The following PPP1R9A variants were observed in gnomAD, a reference collection of about 807,000 sequenced individuals.
PPP1R9A encodes protein phosphatase 1 regulatory subunit 9A, also known as neurabin-1.
A neutral mutation model predicts 141.9 loss-of-function variants in PPP1R9A; 59 were observed. That is an observed-to-expected ratio of 0.42 (90% confidence interval 0.34 to 0.52). The LOEUF (loss-of-function observed/expected upper bound fraction) is 0.52, where lower values mean the gene tolerates loss of function less well. Among genes scored for constraint, PPP1R9A ranks in the 20% least tolerant of loss-of-function variants. The pLI, the probability that PPP1R9A is intolerant of heterozygous loss-of-function variation, is 0.10. For missense variants in PPP1R9A, 1,444 were observed against 1,611.9 expected (o/e 0.90, Z 1.78); for synonymous variants, 500 against 569.7 (o/e 0.88, Z 1.74).
At chr7:95,149,583 A>T (rs1029774908) in intron 4 of PPP1R9A, among the ~76,000 whole-genome samples, 1 of 152,012 alleles carries the variant, frequency 6.6e-6, no homozygotes, top group South Asian at 2.1e-4. Context: ...AACAGCAATG[A>T]GCAAGTAGAA....
rs1226071690 is a variant in PPP1R9A at position 95,274,162 on chromosome 7, G to A, written c.3290G>A (p.Gly1097Asp). The change falls in exon 16 of 20, where the codon GGT becomes GAT. Residue 1097 changes from glycine to aspartate, a missense_variant. This residue lies in a region of PPP1R9A where 459 missense variants were observed against 513.8 expected (regional missense o/e 0.89). Coordinates refer to ENST00000433360, the MANE Select transcript of PPP1R9A (RefSeq NM_001166160.2). The part of the protein sequence containing the change: ...KEKEASRFSA[G>D]SRIFRGRLEN... ...AAAGAAGCCAGTAGGTTTTCTGCAG[G>A]TAGCAGGTACGGTTGTGTGATTAAG... 10 of 1,563,994 alleles carry A rather than the reference G, an allele frequency of 6.4e-6. No individual in the cohort carries two copies. Among genetic ancestry groups the A allele is most frequent in the Non-Finnish European group, 8.7e-6 (10 of 1,156,066 alleles).
intron 4 of PPP1R9A, among the ~76,000 whole-genome samples, chr7:95,149,579 A>G (rs1828275004): frequency 6.6e-6 from 1 of 152,016 alleles, no homozygotes; most frequent in South Asian, 2.1e-4. Context: ...ATATAACAGC[A>G]ATGAGCAAGT....
chr7:95,174,531 A>T lies in PPP1R9A; in HGVS notation c.1754+12560A>T, dbSNP rs1388582970. Among the ~76,000 whole-genome samples, 5 of 152,140 alleles carry T rather than the reference A, an allele frequency of 3.3e-5. No homozygotes were observed. The East Asian group carries it at 7.7e-4, about 23-fold the overall frequency. Reference sequence around the variant, plus strand: ...AATGTATATAGATTGAACTCAGTAAAACTGAATTTTAAAATGTGAGATAAT... The same window carrying T: ...AATGTATATAGATTGAACTCAGTAATACTGAATTTTAAAATGTGAGATAAT... On this transcript the variant is annotated intron_variant, in intron 5 of 19. Coordinates refer to ENST00000433360, the MANE Select transcript of PPP1R9A (RefSeq NM_001166160.2).
intron 8 of PPP1R9A, among the ~76,000 whole-genome samples, chr7:95,228,460 C>T (rs1795453291): frequency 6.6e-6 from 1 of 152,098 alleles, no homozygotes; most frequent in Admixed American, 6.6e-5. Context: ...GCTCCTTTAC[C>T]AATTTCCCTT....
chr7:94,974,324 A>T (rs1799192330), intron 2 of PPP1R9A, among the ~76,000 whole-genome samples: 1 of 152,224 alleles, frequency 6.6e-6, no homozygotes, highest in African/African-American at 2.4e-5. Context: ...AGACACCAGG[A>T]TAATCATAGA....
At chr7:95,088,921 T>A (rs536731306) in intron 2 of PPP1R9A, among the ~76,000 whole-genome samples, 2 of 152,188 alleles carry the variant, frequency 1.3e-5, no homozygotes, top group East Asian at 3.9e-4. Flanking sequence ...GGTACAGTTT[T>A]GGAATTTCAA....
chr7:95,196,036 C>A (rs1049978715), intron 5 of PPP1R9A, among the ~76,000 whole-genome samples: 5 of 151,392 alleles, frequency 3.3e-5, no homozygotes, highest in Non-Finnish European at 5.9e-5. Context: ...GGTGACAGAG[C>A]AAGACTCTGT....
intron 8 of PPP1R9A, among the ~76,000 whole-genome samples, chr7:95,243,866 G>A (rs1797776424): frequency 6.6e-6 from 1 of 152,078 alleles, no homozygotes; most frequent in South Asian, 2.1e-4. Flanking sequence ...TTTAGTATTA[G>A]TGGAAAGAAC....
At chr7:95,014,330 A>G (rs1222939686) in intron 2 of PPP1R9A, among the ~76,000 whole-genome samples, 1 of 151,990 alleles carries the variant, frequency 6.6e-6, no homozygotes, top group Non-Finnish European at 1.5e-5. Context: ...TGATACTGAC[A>G]TATTTTGAAA....
At chr7:94,973,721 CTTT>C (rs200492667) in intron 2 of PPP1R9A, among the ~76,000 whole-genome samples, 2 of 137,168 alleles carry the variant, frequency 1.5e-5, no homozygotes, top group African/African-American at 5.3e-5. Context: ...TTCTTTCTTT[CTTT>C]TTTTTTTTTT....
chr7:95,173,320 G>A (rs1006997796), intron 5 of PPP1R9A, among the ~76,000 whole-genome samples: 8 of 151,884 alleles, frequency 5.3e-5, no homozygotes, highest in African/African-American at 1.2e-4. Context: ...AAAATTATCT[G>A]TTGGGCACAA....
In PPP1R9A at chr7:95,094,985, C is replaced by T. The variant is rs559765723; in HGVS notation, c.1396-16274C>T. 2.0e-5 allele frequency among the ~76,000 whole-genome samples: 3 copies of T among 151,134 alleles called. No individual in the cohort carries two copies. In the East Asian group the frequency reaches 5.8e-4, roughly 29 times the overall value. On this transcript the variant is annotated intron_variant, in intron 2 of 19. Transcript: ENST00000433360. ...AAGTTTGGTTGTGTGATTGACTGCC[C>T]TTTCAAGCCCCTGTGGCCAAAAGGA...
At chr7:95,191,440 T>A (rs1322130307) in intron 5 of PPP1R9A, among the ~76,000 whole-genome samples, 2 of 152,202 alleles carry the variant, frequency 1.3e-5, no homozygotes, top group African/African-American at 4.8e-5. Context: ...ATATCTATGA[T>A]CTCAAACATT....
intron 2 of PPP1R9A, among the ~76,000 whole-genome samples, chr7:94,932,244 G>C (rs557039765): frequency 6.6e-6 from 1 of 152,212 alleles, no homozygotes; most frequent in South Asian, 2.1e-4. Context: ...CAGCCAAAAG[G>C]CTTTTGTGTC....
At position 95,193,504 on chromosome 7, in the gene PPP1R9A, T is replaced by A. The variant is rs10267705; in HGVS notation, c.1755-4845T>A. On this transcript the variant is annotated intron_variant, in intron 5 of 19. Coordinates refer to ENST00000433360, the MANE Select transcript of PPP1R9A (RefSeq NM_001166160.2). ...TTCATGATTTAAAATGCAACTTTCT[T>A]ATGCAGTATGGAACAATTCTTATTT... Among the ~76,000 whole-genome samples the A allele has an allele frequency of 6.7e-3, 1,018 of 152,168 alleles. 12 individuals carry two copies. The highest frequency in any genetic ancestry group is 0.024 in the African/African-American group (981 of 41,562).
chr7:95,216,790 A>G (rs2152930088), intron 7 of PPP1R9A, among the ~76,000 whole-genome samples: 1 of 152,284 alleles, frequency 6.6e-6, no homozygotes, highest in East Asian at 1.9e-4. Flanking sequence ...GTGTATAAGA[A>G]TGCTTGTGAT....
intron 6 of PPP1R9A, among the ~76,000 whole-genome samples, chr7:95,201,661 A>T (rs570200121): frequency 6.6e-6 from 1 of 152,352 alleles, no homozygotes; most frequent in East Asian, 1.9e-4. Flanking sequence ...CAAATATTGG[A>T]TAGCTAATGG....
At position 94,997,761 on chromosome 7, in the gene PPP1R9A, C is replaced by G. The variant is rs1802378859; in HGVS notation, c.1395+86253C>G. ...TTCTGGAGTTTTTCTCTGCCAAGCT[C>G]TGAGCTCACTAGTACTCAGCCCTAC... On this transcript the variant is annotated intron_variant, in intron 2 of 19. Transcript: ENST00000433360. Among the ~76,000 whole-genome samples the G allele has an allele frequency of 2.0e-5, 3 of 152,158 alleles. No individual in the cohort carries two copies. In the South Asian group the frequency reaches 6.2e-4, roughly 31 times the overall value.
chr7:94,925,451 CG>C (rs1357087102), intron 2 of PPP1R9A, among the ~76,000 whole-genome samples: 4 of 152,044 alleles, frequency 2.6e-5, no homozygotes, highest in Non-Finnish European at 4.4e-5. Context: ...GAAGCTGTTT[CG>C]GGGAGGAAAC....
Sources: allele counts gnomAD v4.1 joint callset (sites outside exome capture counted in the v4.1 genomes callset), GRCh38; gene constraint gnomAD v4.1.1; regional missense constraint gnomAD v4.1.1; transcripts MANE v1.5; gene names NCBI Gene and HGNC (gene_info 2026-07-23, HGNC 2026-07-21).